Variants in CSMD2 observed in about 807,000 individuals in gnomAD.
CSMD2 encodes the protein CUB and sushi domain-containing protein 2.
CSMD2 carries 130 observed loss-of-function variants against 398.5 expected under a neutral mutation model. The ratio of observed to expected loss-of-function variants is 0.33; its 90% confidence interval spans 0.28 to 0.38. The LOEUF (loss-of-function observed/expected upper bound fraction) is 0.38, where lower values mean the gene tolerates loss of function less well. Ranked by LOEUF, CSMD2 falls within the 10% of genes least tolerant of loss-of-function variation. The pLI is 1.00. For synonymous variants in CSMD2, 1,828 were observed against 1,908.5 expected (o/e 0.96, Z 1.10); for missense variants, 3,829 against 4,764.9 (o/e 0.80, Z 5.78).
intron 12 of CSMD2, among the ~76,000 whole-genome samples, chr1:33,774,107 TTGTGTGTGTGTGTG>T (rs61454614): frequency 0.17 from 23,576 of 141,650 alleles, 2,297 homozygotes; most frequent in African/African-American, 0.28. Context: ...ATGGCTGGGA[TTGTGTGTGTGTGTG>T]TGTGTGTGTG....
chr1:33,732,136 AC>A (rs1646741201), intron 15 of CSMD2, among the ~76,000 whole-genome samples: 1 of 152,172 alleles, frequency 6.6e-6, no homozygotes, highest in Non-Finnish European at 1.5e-5. Context: ...ACACACACAC[AC>A]ACACAAAGAA....
chr1:33,823,586 G>C (rs2125008735), intron 7 of CSMD2, among the ~76,000 whole-genome samples: 1 of 152,232 alleles, frequency 6.6e-6, no homozygotes, highest in South Asian at 2.1e-4. Flanking sequence ...AACGCAGGGA[G>C]TCACAGGTGG....
intron 70 of CSMD2, among the ~76,000 whole-genome samples, chr1:33,517,396 C>G (rs1249639225): frequency 6.6e-6 from 1 of 152,202 alleles, no homozygotes; most frequent in Non-Finnish European, 1.5e-5. Context: ...GCACCTGGAA[C>G]CCAGCAGAAC....
intron 1 of CSMD2, among the ~76,000 whole-genome samples, chr1:34,159,221 C>T (rs1160627964): frequency 6.6e-6 from 1 of 152,168 alleles, no homozygotes; most frequent in Non-Finnish European, 1.5e-5. Context: ...CCAATATGTC[C>T]TGATGACTCT....
intron 53 of CSMD2, among the ~76,000 whole-genome samples, chr1:33,561,281 G>A (rs1178875039): frequency 6.6e-6 from 1 of 152,110 alleles, no homozygotes; most frequent in African/African-American, 2.4e-5. Flanking sequence ...GTGGACCACA[G>A]GGGTTCAAAG....
intron 2 of CSMD2, among the ~76,000 whole-genome samples, chr1:34,076,230 A>G (rs1217597459): frequency 6.6e-6 from 1 of 152,234 alleles, no homozygotes; most frequent in Non-Finnish European, 1.5e-5. Context: ...AGCATCAGTG[A>G]GAAGTTCCCA....
chr1:33,767,772 A>G (rs1256056782), intron 13 of CSMD2, among the ~76,000 whole-genome samples: 1 of 152,198 alleles, frequency 6.6e-6, no homozygotes, highest in Non-Finnish European at 1.5e-5. Context: ...AACTCCTGTC[A>G]ACCTTTGTTG....
In CSMD2 at chr1:33,810,928, C is replaced by T. The variant is rs1023070164; in HGVS notation, c.1325-64G>A. 11 of 1,567,822 alleles carry T rather than the reference C, an allele frequency of 7.0e-6. No individual in the cohort carries two copies. The African/African-American group carries it at 1.2e-4, about 18-fold the overall frequency. ...TAGGTCCAGTTCCCCTTCTTGCCTCCCACTCCCCACCCAGAAGACACTGCA... is the reference window on the plus strand; with the variant it reads ...TAGGTCCAGTTCCCCTTCTTGCCTCTCACTCCCCACCCAGAAGACACTGCA... On this transcript the variant is annotated intron_variant, in intron 9 of 70. Transcript: ENST00000373381.
chr1:33,901,851 T>C (rs1258914439), intron 5 of CSMD2, among the ~76,000 whole-genome samples: 1 of 152,210 alleles, frequency 6.6e-6, no homozygotes, highest in South Asian at 2.1e-4. Flanking sequence ...ACCAAACCTA[T>C]ACGTCAAACA....
At chr1:33,714,939 A>G (rs111441433) in intron 20 of CSMD2, among the ~76,000 whole-genome samples, 164 bp from the exon 21 acceptor site, 12 of 152,356 alleles carry the variant, frequency 7.9e-5, no homozygotes, top group African/African-American at 2.9e-4. Context: ...CACTGGCCCA[A>G]AAAGAGAAGA....
chr1:34,156,549 C>T (rs1640821839), intron 1 of CSMD2, among the ~76,000 whole-genome samples: 1 of 152,120 alleles, frequency 6.6e-6, no homozygotes. Flanking sequence ...AATAATAGAA[C>T]TTATTCTGTT....
intron 5 of CSMD2, among the ~76,000 whole-genome samples, chr1:33,908,615 G>GC (rs2125256633): frequency 6.6e-6 from 1 of 152,360 alleles, no homozygotes; most frequent in African/African-American, 2.4e-5. Context: ...GAGCCGCTGT[G>GC]CCCACTGCGA....
intron 19 of CSMD2, 40 bp from the exon 20 acceptor site, chr1:33,716,541 T>TGTTTTTTAATGATAC: frequency 6.8e-7 from 1 of 1,479,344 alleles, no homozygotes; most frequent in Non-Finnish European, 9.4e-7. Flanking sequence ...GATGGCGAGA[T>TGTTTTTTAATGATAC]GGCTGGAGAA....
Position 33,625,048 on chromosome 1 carries a change from C to T in CSMD2, c.5500+3G>A. 6.2e-7 allele frequency: 1 copy of T among 1,613,914 alleles called. No individual in the cohort carries two copies. The highest frequency in any genetic ancestry group is 8.5e-7 in the Non-Finnish European group (1 of 1,179,946). On this transcript the variant is annotated splice_donor_region_variant and intron_variant, in intron 34 of 70. Coordinates refer to ENST00000373381, the MANE Select transcript of CSMD2 (RefSeq NM_001281956.2). ...CCTCAACGCCCGGGTCCTGGTTACT[C>T]ACCCACACACGTGGGCGCTGAGACA...
chr1:33,792,615 G>A lies in CSMD2; in HGVS notation c.1447-89C>T. ...GGGGAGGAAGGATTTTCTGTGTTATGTCCCAATGCTCAGAGTCACTGGTGA... is the reference window on the plus strand; with the variant it reads ...GGGGAGGAAGGATTTTCTGTGTTATATCCCAATGCTCAGAGTCACTGGTGA... On this transcript the variant is annotated intron_variant, in intron 10 of 70. Transcript: ENST00000373381. 3.6e-6 allele frequency: 3 copies of A among 831,594 alleles called. No individual in the cohort carries two copies. In the South Asian group the frequency reaches 4.1e-5, roughly 11 times the overall value. 51.5% of individuals were successfully genotyped at this position (831,594 alleles called of 1,614,324 possible).
chr1:33,822,971 T>C (rs561616808), intron 7 of CSMD2, among the ~76,000 whole-genome samples: 10 of 152,286 alleles, frequency 6.6e-5, no homozygotes, highest in South Asian at 2.1e-4. Context: ...CACAGCCCCC[T>C]TGCAGCACGT....
intron 4 of CSMD2, among the ~76,000 whole-genome samples, chr1:33,926,107 T>C (rs1644119253): frequency 6.6e-6 from 1 of 152,220 alleles, no homozygotes; most frequent in Non-Finnish European, 1.5e-5. Context: ...TTAGTTAACA[T>C]GTAGATAGCA....
intron 4 of CSMD2, among the ~76,000 whole-genome samples, chr1:33,922,046 CAG>C (rs1212395256): frequency 6.6e-6 from 1 of 152,082 alleles, no homozygotes; most frequent in East Asian, 1.9e-4. Context: ...AAGGAGAGAG[CAG>C]AGACAGGGAC....
chr1:33,602,679 G>C (rs1640308422), intron 42 of CSMD2, 133 bp from the exon 43 acceptor site: 1 of 736,118 alleles, frequency 1.4e-6, no homozygotes, highest in Admixed American at 3.3e-5. Context: ...TGCGGAAGGG[G>C]AGGCCAAGCT....
Sources: gnomAD v4.1 joint callset for allele counts (sites outside exome capture counted in the v4.1 genomes callset) on GRCh38, gnomAD v4.1.1 for gene constraint, MANE v1.5 for transcripts, NCBI Gene and HGNC (gene_info 2026-07-23, HGNC 2026-07-21) for gene names.